The following ASTN2 variants were observed in gnomAD, a reference collection of about 807,000 sequenced individuals.
ASTN2 encodes the protein astrotactin-2.
Under a neutral mutation model 139.8 loss-of-function variants are expected in ASTN2, and 54 were observed. The ratio of observed to expected loss-of-function variants is 0.39; its 90% CI spans 0.31 to 0.48. The LOEUF (loss-of-function observed/expected upper bound fraction) is 0.48, where lower values mean the gene tolerates loss of function less well. Ranked by LOEUF, ASTN2 falls within the 20% of genes least tolerant of loss-of-function variation. The pLI is 0.95. For missense variants in ASTN2, 1,565 were observed against 1,725.1 expected, an observed-to-expected ratio of 0.91 and a Z score of 1.64; for synonymous variants, 756 against 719.5, an observed-to-expected ratio of 1.05 and a Z score of -0.81.
At position 117,414,638 on chromosome 9, in the gene ASTN2, C is replaced by A; in HGVS notation, c.301G>T (p.Ala101Ser). 1.4e-6 allele frequency: 2 copies of A among 1,398,620 alleles called. No individual in the cohort carries two copies. Among genetic ancestry groups the A allele is most frequent in the South Asian group, 1.6e-5 (1 of 61,778 alleles). The allele number at this position is 1,398,620 out of a possible 1,614,324, so 86.6% of individuals were successfully genotyped here. The change falls in exon 1 of 23, where the codon GCC becomes TCC. Residue 101 changes from alanine to serine, a missense_variant. This residue lies in a region of ASTN2 where 596 missense variants were observed against 576.8 expected (regional missense o/e 1.03). Transcript: ENST00000313400. The surrounding 1 kb of genome is among the most constrained non-coding windows in gnomAD (Gnocchi z 4.2). ...CCAGGAGAGCCCGGGGACGCGGCGG[C>A]GGCGGCGGCTCCGGCCCCGGTCCCA... is the stretch of plus-strand genomic sequence containing the variant. ...GAGTGAGAAA[A>S]AASPGSPGSA... is the part of the protein sequence containing the mutation.
rs1849354715 is a variant in ASTN2 at position 116,486,848 on chromosome 9, T to A, written c.3497+511A>T. 3.3e-5 allele frequency among the ~76,000 whole-genome samples: 5 copies of A among 152,234 alleles called. No homozygotes were observed. In the South Asian group the frequency reaches 1.0e-3, roughly 32 times the overall value. On this transcript the variant is annotated intron_variant, in intron 20 of 22. Coordinates refer to ENST00000313400, the MANE Select transcript of ASTN2 (RefSeq NM_001365068.1). The stretch of plus-strand genomic sequence containing the variant: ...TCCAATGAACTCTACAAAGGAGTGA[T>A]AATTGCACTATTTTTAAAAGGCTGG...
At chr9:117,131,594 A>T (rs945832622) in intron 4 of ASTN2, among the ~76,000 whole-genome samples, 1 of 152,190 alleles carries the variant, frequency 6.6e-6, no homozygotes, top group Non-Finnish European at 1.5e-5. Context: ...TAAAAAGTAC[A>T]TTTACCATAT....
intron 19 of ASTN2, among the ~76,000 whole-genome samples, chr9:116,512,483 T>C (rs1042656806): frequency 6.6e-5 from 10 of 152,206 alleles, no homozygotes; most frequent in Admixed American, 3.9e-4. Flanking sequence ...ATTCTGTTGA[T>C]TTGGGGTGGA....
At chr9:116,502,245 CAG>C (rs921983067) in intron 19 of ASTN2, among the ~76,000 whole-genome samples, 5 of 151,030 alleles carry the variant, frequency 3.3e-5, no homozygotes, top group African/African-American at 1.2e-4. Context: ...CAGAGAGAGA[CAG>C]AGAGAGACAC....
chr9:116,954,223 C>T (rs1835644508), intron 10 of ASTN2, among the ~76,000 whole-genome samples: 1 of 152,202 alleles, frequency 6.6e-6, no homozygotes, highest in African/African-American at 2.4e-5. Flanking sequence ...ATATAACTTA[C>T]TCCAGGCCAC....
At chr9:116,564,737 T>C (rs1419615257) in intron 19 of ASTN2, among the ~76,000 whole-genome samples, 1 of 152,220 alleles carries the variant, frequency 6.6e-6, no homozygotes, top group Non-Finnish European at 1.5e-5. Context: ...TTCATTTATT[T>C]ATTTTTTCAT....
At chr9:116,511,337 A>G (rs1284299868) in intron 19 of ASTN2, among the ~76,000 whole-genome samples, 1 of 152,214 alleles carries the variant, frequency 6.6e-6, no homozygotes, top group Non-Finnish European at 1.5e-5. Flanking sequence ...CCAGCCTTGC[A>G]TCCCAGGGAT....
chr9:116,979,552 G>T (rs1836450098), intron 7 of ASTN2, among the ~76,000 whole-genome samples: 2 of 152,208 alleles, frequency 1.3e-5, no homozygotes, highest in South Asian at 4.2e-4. Context: ...GTGTTAAAAT[G>T]CAACAGTCCC....
intron 20 of ASTN2, among the ~76,000 whole-genome samples, chr9:116,461,255 C>T (rs982409619): frequency 6.6e-6 from 1 of 151,328 alleles, no homozygotes; most frequent in African/African-American, 2.4e-5. Flanking sequence ...ATTTTATTTT[C>T]CACTCCCACT....
chr9:117,031,922 C>G (rs539361026), intron 6 of ASTN2, among the ~76,000 whole-genome samples: 2 of 152,100 alleles, frequency 1.3e-5, no homozygotes, highest in Non-Finnish European at 2.9e-5. Context: ...AAGTATGACA[C>G]GTATGTAATA....
intron 10 of ASTN2, among the ~76,000 whole-genome samples, chr9:116,905,759 T>C (rs1044692769): frequency 2.6e-5 from 4 of 151,830 alleles, no homozygotes; most frequent in Non-Finnish European, 5.9e-5. Context: ...CTGAATTTCC[T>C]TGGAAGAGTG....
chr9:116,429,360 A>AAAAAAAAG (rs57088669), intron 22 of ASTN2, among the ~76,000 whole-genome samples: 2 of 148,746 alleles, frequency 1.3e-5, no homozygotes, highest in Non-Finnish European at 1.5e-5. Context: ...AAAAAAAAAA[A>AAAAAAAAG]GTAACCAAGT....
At chr9:117,075,486 T>TGGAGGG (rs1482212858) in intron 5 of ASTN2, among the ~76,000 whole-genome samples, 1 of 99,134 alleles carries the variant, frequency 1.0e-5, no homozygotes, top group East Asian at 3.4e-4. Flanking sequence ...GGTGGGCAGA[T>TGGAGGG]GGAGGGGAAG....
At chr9:116,776,822 T>C (rs1830097713) in intron 13 of ASTN2, among the ~76,000 whole-genome samples, 1 of 151,986 alleles carries the variant, frequency 6.6e-6, no homozygotes, top group Middle Eastern at 3.2e-3. Flanking sequence ...TTGAGTAAAA[T>C]AATTGGACGA....
intron 13 of ASTN2, among the ~76,000 whole-genome samples, chr9:116,775,087 A>G (rs562914944): frequency 3.4e-4 from 52 of 152,226 alleles, no homozygotes; most frequent in African/African-American, 1.2e-3. Flanking sequence ...TCAGGGACAC[A>G]TAATAAAAGG....
intron 6 of ASTN2, among the ~76,000 whole-genome samples, chr9:117,013,113 A>G (rs959110392): frequency 6.6e-6 from 1 of 151,838 alleles, no homozygotes; most frequent in Non-Finnish European, 1.5e-5. Flanking sequence ...AATCACTGCC[A>G]TGCTTAGGGT....
At chr9:117,263,741 T>C (rs1833877623) in intron 2 of ASTN2, among the ~76,000 whole-genome samples, 1 of 152,218 alleles carries the variant, frequency 6.6e-6, no homozygotes, top group African/African-American at 2.4e-5. Context: ...ACCCTGTGGT[T>C]AATCTTCCCT....
chr9:116,757,618 C>T (rs939593434), intron 13 of ASTN2, among the ~76,000 whole-genome samples: 10 of 152,116 alleles, frequency 6.6e-5, no homozygotes, highest in Non-Finnish European at 1.3e-4. Context: ...CAAAAAATGG[C>T]CAACCCCCTT....
intron 20 of ASTN2, among the ~76,000 whole-genome samples, chr9:116,459,727 C>T (rs1049657411): frequency 4.2e-4 from 64 of 151,730 alleles, no homozygotes; most frequent in African/African-American, 1.3e-3. Flanking sequence ...ACTAAAATAG[C>T]GATAGTCAAA....
Sources: allele counts gnomAD v4.1 joint callset (sites outside exome capture counted in the v4.1 genomes callset), GRCh38; gene constraint gnomAD v4.1.1; regional missense constraint gnomAD v4.1.1; non-coding constraint Gnocchi (gnomAD v3.1); transcripts MANE v1.5; gene names NCBI Gene and HGNC (gene_info 2026-07-23, HGNC 2026-07-21).